Variants in DGKG observed in about 807,000 individuals in gnomAD.
DGKG encodes diacylglycerol kinase gamma, also known as DAG kinase gamma.
A neutral mutation model predicts 105.3 loss-of-function variants in DGKG; 78 were observed. The ratio of observed to expected loss-of-function variants is 0.74; its 90% CI spans 0.62 to 0.89. The LOEUF is 0.89. Among genes scored for constraint, DGKG ranks in the 40% least tolerant of loss-of-function variants. The pLI is 0.00. For synonymous variants in DGKG, 346 were observed against 367.1 expected (o/e 0.94, Z 0.66); for missense variants, 958 against 1,020.1 (o/e 0.94, Z 0.83).
chr3:186,157,165 G>A (rs1716075244), intron 24 of DGKG, among the ~76,000 whole-genome samples: 1 of 151,964 alleles, frequency 6.6e-6, no homozygotes, highest in Non-Finnish European at 1.5e-5. Flanking sequence ...TTCATTAGTA[G>A]GGGAGAAGCT....
At chr3:186,218,460 C>T (rs918033354) in intron 20 of DGKG, among the ~76,000 whole-genome samples, 4 of 143,284 alleles carry the variant, frequency 2.8e-5, no homozygotes, top group African/African-American at 1.0e-4. Flanking sequence ...GCCGAGATCG[C>T]GCCACTGCAC....
chr3:186,342,768 A>T (rs1265796848), intron 1 of DGKG, among the ~76,000 whole-genome samples: 1 of 152,200 alleles, frequency 6.6e-6, no homozygotes, highest in Non-Finnish European at 1.5e-5. Flanking sequence ...AAAAGTTAAA[A>T]AGAAGATAGT....
intron 1 of DGKG, among the ~76,000 whole-genome samples, chr3:186,351,916 C>A (rs888908312): frequency 1.3e-5 from 2 of 152,172 alleles, no homozygotes; most frequent in Non-Finnish European, 2.9e-5. Flanking sequence ...TTTGAGAAAT[C>A]GCTGAATGTT....
At chr3:186,338,283 T>C (rs1725927723) in intron 1 of DGKG, among the ~76,000 whole-genome samples, 1 of 152,102 alleles carries the variant, frequency 6.6e-6, no homozygotes, top group African/African-American at 2.4e-5. Context: ...TAGGCATTTG[T>C]AGCAGGACAA....
Position 186,320,669 on chromosome 3 carries a change from T to G in DGKG, c.-210A>C. ...TGCTATTCCTTAGGCAACATCCTCC[T>G]GTCTGTATTCAAGGTAAATTCAGAA... is the stretch of plus-strand genomic sequence containing the variant. On this transcript the variant is annotated 5_prime_UTR_variant, in exon 2 of 25. Transcript: ENST00000265022. 1 of 620,786 alleles carries G rather than the reference T, an allele frequency of 1.6e-6. No homozygotes were observed. The highest frequency in any genetic ancestry group is 2.5e-6 in the Non-Finnish European group (1 of 400,958). 38.5% of individuals were successfully genotyped at this position (620,786 alleles called of 1,614,324 possible). A position where few individuals can be genotyped will look rare whatever the true frequency, so the allele number is the denominator to read the frequency against.
At chr3:186,153,188 A>G (rs948057558) in intron 24 of DGKG, among the ~76,000 whole-genome samples, 14 of 151,998 alleles carry the variant, frequency 9.2e-5, no homozygotes, top group South Asian at 2.1e-4. Context: ...TGTGGATTCT[A>G]TTACTATAGA....
At position 186,267,822 on chromosome 3, in the gene DGKG, A is replaced by T. The variant is rs530654244; in HGVS notation, c.1117-45T>A. 24 of 1,567,160 alleles carry T rather than the reference A, an allele frequency of 1.5e-5. No individual in the cohort carries two copies. In the South Asian group the frequency reaches 2.7e-4, roughly 17 times the overall value. On this transcript the variant is annotated intron_variant, in intron 12 of 24. Transcript: ENST00000265022. Reference sequence around the variant, plus strand: ...AGAGAGTGAGTGAAAGTGAGCAAAGAAACATCAAACATGAAGGTGGAGAGG... The same window carrying T: ...AGAGAGTGAGTGAAAGTGAGCAAAGTAACATCAAACATGAAGGTGGAGAGG...
At chr3:186,162,294 G>A (rs1330794119) in intron 23 of DGKG, among the ~76,000 whole-genome samples, 1 of 152,228 alleles carries the variant, frequency 6.6e-6, no homozygotes, top group African/African-American at 2.4e-5. Context: ...GAAGTCCACA[G>A]AAGTCTGGGA....
At chr3:186,306,676 T>G (rs529084701) in intron 3 of DGKG, 1 of 480,414 alleles carries the variant, frequency 2.1e-6, no homozygotes. Context: ...GGGTGAGAGA[T>G]GAGCAGAGGA....
At position 186,275,680 on chromosome 3, in the gene DGKG, G is replaced by A. The variant is rs1578763502; in HGVS notation, c.793-16C>T. On this transcript the variant is annotated splice_polypyrimidine_tract_variant and intron_variant, in intron 9 of 24. Coordinates refer to ENST00000265022, the MANE Select transcript of DGKG (RefSeq NM_001346.3). ...CCTTGGAGCCCTGCAGGGGTAATAG[G>A]AGGTGAGACCCCAAGCTGGCTGCCC... 1 of 1,602,566 alleles carries A rather than the reference G, an allele frequency of 6.2e-7. No individual in the cohort carries two copies. Among genetic ancestry groups the A allele is most frequent in the African/African-American group, 1.3e-5 (1 of 74,604 alleles).
Position 186,208,228 on chromosome 3 carries a change from G to A in DGKG, c.1917+3567C>T, listed in dbSNP as rs191660248. 2.8e-3 allele frequency among the ~76,000 whole-genome samples: 420 copies of A among 152,034 alleles called. 2 individuals are homozygous for A. Among genetic ancestry groups the A allele is most frequent in the African/African-American group, 9.4e-3 (389 of 41,474 alleles). On this transcript the variant is annotated intron_variant, in intron 21 of 24. Coordinates refer to ENST00000265022, the MANE Select transcript of DGKG (RefSeq NM_001346.3). Reference sequence around the variant, plus strand: ...GGCTAATTTTTGTATTTTTAGTAGAGACGGGGTTCCACCATGTTGGCCAGG... The same window carrying A: ...GGCTAATTTTTGTATTTTTAGTAGAAACGGGGTTCCACCATGTTGGCCAGG...
chr3:186,230,398 G>A (rs1720094240), intron 20 of DGKG, among the ~76,000 whole-genome samples: 1 of 152,218 alleles, frequency 6.6e-6, no homozygotes. Flanking sequence ...TGAAACAAGT[G>A]ATGACTAGGT....
At chr3:186,184,405 C>T (rs1279297556) in intron 22 of DGKG, among the ~76,000 whole-genome samples, 2 of 152,158 alleles carry the variant, frequency 1.3e-5, no homozygotes, top group Non-Finnish European at 2.9e-5. Context: ...GAATGACCTT[C>T]TTACTCGGAT....
chr3:186,310,123 C>T (rs1344565978), intron 2 of DGKG, among the ~76,000 whole-genome samples: 13 of 151,050 alleles, frequency 8.6e-5, no homozygotes, highest in South Asian at 6.3e-4. Context: ...AAAAATTAGC[C>T]GGGCGTGGTG....
At chr3:186,263,835 G>A (rs112426072) in intron 14 of DGKG, among the ~76,000 whole-genome samples, 3 of 152,116 alleles carry the variant, frequency 2.0e-5, no homozygotes, top group East Asian at 3.9e-4. Flanking sequence ...CAATGTGGAC[G>A]CACAGCTCTG....
chr3:186,229,084 G>A (rs1030454198), intron 20 of DGKG, among the ~76,000 whole-genome samples: 2 of 152,162 alleles, frequency 1.3e-5, no homozygotes, highest in Admixed American at 6.5e-5. Flanking sequence ...GGAGAAGGCC[G>A]TGTGATGATG....
rs1402898321 is a variant in DGKG at position 186,203,045 on chromosome 3, T to A, written c.1917+8750A>T. Reference sequence around the variant, plus strand: ...AAGTGAACTACAGGGTGCACATTAGTAAGAAATAAAAAAGAGGGTCATTTA... The same window carrying A: ...AAGTGAACTACAGGGTGCACATTAGAAAGAAATAAAAAAGAGGGTCATTTA... On this transcript the variant is annotated intron_variant, in intron 21 of 24. Coordinates refer to ENST00000265022, the MANE Select transcript of DGKG (RefSeq NM_001346.3). This position sits in a 1 kb window ranked among gnomAD's most constrained non-coding sequence, Gnocchi z 4.9. 6.6e-6 allele frequency among the ~76,000 whole-genome samples: 1 copy of A among 152,024 alleles called. No individual in the cohort carries two copies. The highest frequency in any genetic ancestry group is 2.4e-5 in the African/African-American group (1 of 41,392).
intron 21 of DGKG, among the ~76,000 whole-genome samples, chr3:186,193,483 C>T (rs532713331): frequency 3.3e-5 from 5 of 152,378 alleles, no homozygotes; most frequent in African/African-American, 1.2e-4. Context: ...ATTCACTCCC[C>T]CTACCTGAGG....
At chr3:186,279,804 T>C (rs990074756) in intron 9 of DGKG, 47 bp downstream of exon 9, 7 of 1,600,604 alleles carry the variant, frequency 4.4e-6, no homozygotes, top group Non-Finnish European at 6.0e-6. Context: ...TGAAGCCCAA[T>C]GTTCCTGAAT....
Sources: allele counts gnomAD v4.1 joint callset (sites outside exome capture counted in the v4.1 genomes callset), GRCh38; gene constraint gnomAD v4.1.1; non-coding constraint Gnocchi (gnomAD v3.1); transcripts MANE v1.5; gene names NCBI Gene and HGNC (gene_info 2026-07-23, HGNC 2026-07-21).